The following PHF6 variants were observed in gnomAD, a reference collection of about 807,000 sequenced individuals.
PHF6 encodes PHD-like zinc finger protein.
A neutral mutation model predicts 34.0 loss-of-function variants in PHF6; 7 were observed. That is an observed-to-expected ratio of 0.21 (90% CI 0.12 to 0.39). The LOEUF is 0.39. Ranked by LOEUF, PHF6 falls within the 10% of genes least tolerant of loss-of-function variation. The pLI is 1.00. For synonymous variants in PHF6, 89 were observed against 88.4 expected (o/e 1.01, Z -0.04); for missense variants, 128 against 262.8 (o/e 0.49, Z 3.55).
chrX:134,416,958 T>C (rs997078451), intron 8 of PHF6, among the ~76,000 whole-genome samples: 2 of 112,162 alleles, frequency 1.8e-5, no homozygotes, highest in Non-Finnish European at 3.8e-5. Flanking sequence ...GGATGGTCAG[T>C]AGTTTTTCTA....
At chrX:134,417,090 C>T in intron 8 of PHF6, 79 bp from the exon 9 acceptor site, 1 of 1,062,854 alleles carries the variant, frequency 9.4e-7, no homozygotes. Context: ...GTGATAATTT[C>T]AGTGTACTCT....
intron 9 of PHF6, among the ~76,000 whole-genome samples, chrX:134,421,496 G>A (rs1193074500): frequency 9.0e-6 from 1 of 111,490 alleles, no homozygotes; most frequent in African/African-American, 3.3e-5. Flanking sequence ...ATAACAGGCT[G>A]ATTTTAAATA....
intron 3 of PHF6, among the ~76,000 whole-genome samples, chrX:134,393,220 C>T (rs1181455687): frequency 8.9e-6 from 1 of 112,096 alleles, no homozygotes; most frequent in Non-Finnish European, 1.9e-5. Context: ...ATACAGCTCA[C>T]ATTCCTGAAT....
chrX:134,377,641 A>G lies in PHF6; in HGVS notation c.24A>G (p.Lys8=), dbSNP rs769068524. ...TCATGTCAAGCTCAGTTGAACAGAA[A>G]AAAGGGCCTACAAGACAGCGCAAAT... The part of the protein sequence containing the change: MSSSVEQ[K]KGPTRQRKCG... Residue 8 remains lysine, a synonymous_variant, in exon 2 of 11, where the codon AAA becomes AAG. Transcript: ENST00000370803. 45 of 1,209,100 alleles carry G rather than the reference A, an allele frequency of 3.7e-5. No individual in the cohort carries two copies. The highest frequency in any genetic ancestry group is 5.0e-5 in the Non-Finnish European group (45 of 894,801).
At chrX:134,388,367 A>G (rs182901317) in intron 3 of PHF6, among the ~76,000 whole-genome samples, 115 of 111,689 alleles carry the variant, frequency 1.0e-3, no homozygotes, top group African/African-American at 2.1e-3. Context: ...CTCCTGTGCA[A>G]ATATCCTCAG....
chrX:134,401,979 T>G (rs1039793380), intron 5 of PHF6, among the ~76,000 whole-genome samples: 3 of 61,053 alleles, frequency 4.9e-5, no homozygotes, highest in Non-Finnish European at 8.4e-5. Context: ...TTGTTTTTTG[T>G]TTGTTTGTTT....
In PHF6 at chrX:134,408,216, C is replaced by G. The variant is rs777470421; in HGVS notation, c.419-5275C>G. 6.2e-5 allele frequency among the ~76,000 whole-genome samples: 7 copies of G among 112,787 alleles called. No homozygotes were observed. The Admixed American group carries it at 6.6e-4, about 11-fold the overall frequency. ...GTGCTGGGATTACAGGCGTGAGCCA[C>G]TGCGTCCAGGCCTAAGGATTTATCT... On this transcript the variant is annotated intron_variant, in intron 5 of 10. Transcript: ENST00000370803.
rs183843219 is a variant in PHF6 at position 134,394,393 on chromosome X, A to G, written c.418+441A>G. Among the ~76,000 whole-genome samples, 363 of 111,128 alleles carry G rather than the reference A, an allele frequency of 3.3e-3. 2 individuals carry two copies. Among genetic ancestry groups the G allele is most frequent in the African/African-American group, 0.011 (345 of 30,633 alleles). On this transcript the variant is annotated intron_variant, in intron 5 of 10. Transcript: ENST00000370803. Reference sequence around the variant, plus strand: ...GTGATCCACCTGCCTCAGCCTCCCAAAGTGCTGGGATTACAGGCGTGAGCC... The same window carrying G: ...GTGATCCACCTGCCTCAGCCTCCCAGAGTGCTGGGATTACAGGCGTGAGCC...
At chrX:134,374,221 G>T (rs1374462725) in intron 1 of PHF6, among the ~76,000 whole-genome samples, 2 of 111,342 alleles carry the variant, frequency 1.8e-5, no homozygotes, top group Admixed American at 9.5e-5. Context: ...ATTTCCATTC[G>T]TTTTGATATT....
At chrX:134,412,525 A>G (rs1459806356) in intron 5 of PHF6, among the ~76,000 whole-genome samples, 1 of 111,955 alleles carries the variant, frequency 8.9e-6, no homozygotes, top group Non-Finnish European at 1.9e-5. Context: ...AACATGGTAA[A>G]GGAAAAAATG....
At chrX:134,400,095 T>A (rs1439130496) in intron 5 of PHF6, among the ~76,000 whole-genome samples, 2 of 111,498 alleles carry the variant, frequency 1.8e-5, no homozygotes, top group Non-Finnish European at 3.8e-5. Flanking sequence ...ATTTATTATT[T>A]TGAGACAGGG....
chrX:134,393,733 C>T, intron 4 of PHF6, 99 bp downstream of exon 4: 1 of 864,772 alleles, frequency 1.2e-6, no homozygotes, highest in African/African-American at 2.0e-5. Flanking sequence ...TCATCATCAT[C>T]ATAAAGGGTG....
chrX:134,420,257 G>A (rs1357000459), intron 9 of PHF6: 6 of 105,137 alleles, frequency 5.7e-5, no homozygotes, highest in African/African-American at 2.1e-4. Flanking sequence ...GACCAGCTTC[G>A]AGATCGCCCC....
chrX:134,419,489 A>G (rs1272498099), intron 9 of PHF6: 1 of 112,215 alleles, frequency 8.9e-6, no homozygotes, highest in Non-Finnish European at 1.9e-5. Flanking sequence ...ATTTGATAAC[A>G]TTCAACATCA....
chrX:134,390,376 C>T (rs1387925782), intron 3 of PHF6, among the ~76,000 whole-genome samples: 1 of 111,800 alleles, frequency 8.9e-6, no homozygotes, highest in Admixed American at 9.5e-5. Context: ...CTTCCTCTTT[C>T]TTGTCTTTCT....
At chrX:134,418,803 T>G (rs776705552) in intron 9 of PHF6, 1 of 109,507 alleles carries the variant, frequency 9.1e-6, no homozygotes, top group African/African-American at 3.3e-5. Context: ...AAAGATACGT[T>G]AAAAGAAAAA....
At chrX:134,388,295 TAAAAC>T (rs1328221134) in intron 3 of PHF6, among the ~76,000 whole-genome samples, 1 of 111,905 alleles carries the variant, frequency 8.9e-6, no homozygotes, top group Non-Finnish European at 1.9e-5. Flanking sequence ...TACCTGTTAT[TAAAAC>T]AAAAAGCCAA....
chrX:134,417,078 A>G, intron 8 of PHF6, 91 bp from the exon 9 acceptor site: 1 of 972,405 alleles, frequency 1.0e-6, no homozygotes, highest in African/African-American at 1.9e-5. Context: ...GTTATATGCT[A>G]TGTGATAATT....
At chrX:134,373,918 C>T (rs980809743) in intron 1 of PHF6, among the ~76,000 whole-genome samples, 2 of 96,531 alleles carry the variant, frequency 2.1e-5, no homozygotes, top group African/African-American at 7.9e-5. Context: ...AAGCTTACAA[C>T]GAAGACTGTG....
Sources: allele counts gnomAD v4.1 joint callset (sites outside exome capture counted in the v4.1 genomes callset), GRCh38; gene constraint gnomAD v4.1.1; transcripts MANE v1.5; gene names NCBI Gene and HGNC (gene_info 2026-07-23, HGNC 2026-07-21).